LHX4: variants seen among roughly 807,000 people sequenced by gnomAD.
LHX4 encodes the protein LIM homeobox 4.
Under a neutral mutation model 39.2 loss-of-function variants are expected in LHX4, and 16 were observed. The ratio of observed to expected loss-of-function variants is 0.41; its 90% CI spans 0.28 to 0.62. The LOEUF (loss-of-function observed/expected upper bound fraction) is 0.62, where lower values mean the gene tolerates loss of function less well. LHX4 is among the 20% of genes least tolerant of loss of function. LHX4 has a pLI of 0.33. For synonymous variants in LHX4, 206 were observed against 198.1 expected, an observed-to-expected ratio of 1.04 and a Z score of -0.33; for missense variants, 439 against 511.9, an observed-to-expected ratio of 0.86 and a Z score of 1.37.
chr1:180,266,443 G>C lies in LHX4; in HGVS notation c.300G>C (p.Gln100His), dbSNP rs1156273617. The change falls in exon 3 of 6, where the codon CAG becomes CAC. Residue 100 changes from glutamine to histidine, a missense_variant. Gln to His is a conservative substitution (Grantham distance 24). Transcript: ENST00000263726. The surrounding 1 kb of genome is among the most constrained non-coding windows in gnomAD (Gnocchi z 5.7). ...GCCAGCAGGGTATCCCCCCAACCCA[G>C]GTGGTCCGCAAGGCCCAGGACTTTG... is the stretch of plus-strand genomic sequence containing the variant. ...TACQQGIPPTQVVRKAQDFVY... is the reference protein window; with the variant it reads ...TACQQGIPPTHVVRKAQDFVY... 6 of 1,614,222 alleles carry C rather than the reference G, an allele frequency of 3.7e-6. No homozygotes were observed. Among genetic ancestry groups the C allele is most frequent in the Admixed American group, 1.7e-5 (1 of 60,028 alleles).
intron 2 of LHX4, among the ~76,000 whole-genome samples, chr1:180,256,757 C>G (rs942642324): frequency 4.6e-5 from 7 of 152,148 alleles, no homozygotes; most frequent in Non-Finnish European, 1.0e-4. Flanking sequence ...ACCCCCGATG[C>G]GTCTCCCGCT....
At chr1:180,229,136 A>G (rs1164665311), upstream of LHX4, among the ~76,000 whole-genome samples, 5 of 152,186 alleles carry the variant, frequency 3.3e-5, no homozygotes, top group African/African-American at 4.8e-5. Flanking sequence ...CTACCTGTCC[A>G]TGCATCTCGT....
intron 1 of LHX4, among the ~76,000 whole-genome samples, chr1:180,237,599 C>G (rs1200223022): frequency 6.6e-6 from 1 of 152,222 alleles, no homozygotes; most frequent in Non-Finnish European, 1.5e-5. Flanking sequence ...GGAGGTGAGT[C>G]CTACCTCCTG....
At chr1:180,235,975 G>A (rs1297448807) in intron 1 of LHX4, among the ~76,000 whole-genome samples, 1 of 152,186 alleles carries the variant, frequency 6.6e-6, no homozygotes. Flanking sequence ...TAGAAAAGCC[G>A]TGAAGGGATA....
intron 1 of LHX4, among the ~76,000 whole-genome samples, chr1:180,244,297 G>C (rs968022945): frequency 1.3e-5 from 2 of 152,108 alleles, no homozygotes; most frequent in African/African-American, 4.8e-5. Flanking sequence ...CCCTTGGTAG[G>C]CCCCTTCCAT....
At chr1:180,242,586 T>C (rs960907976) in intron 1 of LHX4, among the ~76,000 whole-genome samples, 2 of 152,152 alleles carry the variant, frequency 1.3e-5, no homozygotes, top group African/African-American at 4.8e-5. Flanking sequence ...CATGTGGGCT[T>C]AGGTCTATGC....
intron 2 of LHX4, among the ~76,000 whole-genome samples, chr1:180,260,513 C>G (rs77651116): frequency 0.076 from 11,580 of 151,820 alleles, 542 homozygotes; most frequent in Middle Eastern, 0.16. Context: ...AGGCGGAGCT[C>G]AGGTGCAGAG....
At position 180,232,592 on chromosome 1, in the gene LHX4, C is replaced by T. The variant is rs1664206937; in HGVS notation, c.76+1987C>T. Among the ~76,000 whole-genome samples, 1 of 152,154 alleles carries T rather than the reference C, an allele frequency of 6.6e-6. No individual in the cohort carries two copies. The highest frequency in any genetic ancestry group is 2.4e-5 in the African/African-American group (1 of 41,434). On this transcript the variant is annotated intron_variant, in intron 1 of 5. Coordinates refer to ENST00000263726, the MANE Select transcript of LHX4 (RefSeq NM_033343.4). This position sits in a 1 kb window ranked among gnomAD's most constrained non-coding sequence, Gnocchi z 5.4. ...AGGGGGTGGTCAGTCCTCCCTTTGT[C>T]CGAGTTTCGTGACCTTGGTTGGAGG...
intron 2 of LHX4, among the ~76,000 whole-genome samples, chr1:180,258,893 A>G (rs529560694): frequency 7.9e-5 from 12 of 152,064 alleles, no homozygotes; most frequent in Admixed American, 6.5e-4. Context: ...TCAGATGGGG[A>G]CGGATGCCCA....
intron 1 of LHX4, among the ~76,000 whole-genome samples, chr1:180,243,112 C>T (rs531999662): frequency 2.6e-5 from 4 of 152,134 alleles, no homozygotes; most frequent in Non-Finnish European, 4.4e-5. Flanking sequence ...CCTCAGCCTC[C>T]TGGGTAGCTG....
intron 1 of LHX4, among the ~76,000 whole-genome samples, chr1:180,239,669 T>C (rs545707249): frequency 6.6e-6 from 1 of 152,356 alleles, no homozygotes; most frequent in African/African-American, 2.4e-5. Context: ...GGTTTAGTCC[T>C]AATTCGGCCT....
chr1:180,257,553 CTG>C (rs1325439244), intron 2 of LHX4, among the ~76,000 whole-genome samples: 1 of 152,150 alleles, frequency 6.6e-6, no homozygotes, highest in African/African-American at 2.4e-5. Flanking sequence ...CATGACATGG[CTG>C]TGGCCTTAGA....
Position 180,248,470 on chromosome 1 carries a change from G to A in LHX4, c.248+14G>A, listed in dbSNP as rs1647474122. On this transcript the variant is annotated intron_variant, in intron 2 of 5. Coordinates refer to ENST00000263726, the MANE Select transcript of LHX4 (RefSeq NM_033343.4). ...GGACTTCTTCAAGTAAGTCAGAACG[G>A]TCCGTCTCGTGGCCCTGGCCTGTCT... 1.2e-6 allele frequency: 2 copies of A among 1,613,552 alleles called. No homozygotes were observed. Among genetic ancestry groups the A allele is most frequent in the Admixed American group, 1.7e-5 (1 of 60,018 alleles).
At chr1:180,260,310 A>G (rs1177665806) in intron 2 of LHX4, among the ~76,000 whole-genome samples, 1 of 151,700 alleles carries the variant, frequency 6.6e-6, no homozygotes, top group Non-Finnish European at 1.5e-5. Context: ...GGAACTTACC[A>G]TCAGGAATGT....
rs529731737 is a variant in LHX4 at position 180,259,180 on chromosome 1, G to A, written c.249-7212G>A. 2.6e-5 allele frequency among the ~76,000 whole-genome samples: 4 copies of A among 152,220 alleles called. No homozygotes were observed. In the South Asian group the frequency reaches 8.3e-4, roughly 32 times the overall value. ...CGGAGAGCACAGTGTAGGAGGCAGC[G>A]AGCAGGTGTGTTGGGAGGCTTGGGA... is the stretch of plus-strand genomic sequence containing the variant. On this transcript the variant is annotated intron_variant, in intron 2 of 5. Coordinates refer to ENST00000263726, the MANE Select transcript of LHX4 (RefSeq NM_033343.4).
At chr1:180,269,720 T>C (rs1480860037) in intron 3 of LHX4, 1 of 152,260 alleles carries the variant, frequency 6.6e-6, no homozygotes, top group African/African-American at 2.4e-5. Flanking sequence ...TATTTCCCAT[T>C]TGCATAATTC....
intron 2 of LHX4, among the ~76,000 whole-genome samples, chr1:180,265,356 G>C (rs1648268705): frequency 6.6e-6 from 1 of 152,184 alleles, no homozygotes; most frequent in African/African-American, 2.4e-5. Context: ...CCTGAAGCGG[G>C]GAAGGCTCAC....
intron 1 of LHX4, among the ~76,000 whole-genome samples, chr1:180,233,289 C>A (rs1664223108): frequency 6.6e-6 from 1 of 152,270 alleles, no homozygotes; most frequent in Admixed American, 6.5e-5. Flanking sequence ...GGCTCCCGTG[C>A]GGACTTAGCA....
chr1:180,233,677 C>T (rs1664232221), intron 1 of LHX4, among the ~76,000 whole-genome samples: 1 of 152,148 alleles, frequency 6.6e-6, no homozygotes, highest in South Asian at 2.1e-4. Flanking sequence ...CATGTAGTCT[C>T]CCCAGGCACC....
Sources: allele counts gnomAD v4.1 joint callset (sites outside exome capture counted in the v4.1 genomes callset), GRCh38; gene constraint gnomAD v4.1.1; non-coding constraint Gnocchi (gnomAD v3.1); transcripts MANE v1.5; gene names NCBI Gene and HGNC (gene_info 2026-07-23, HGNC 2026-07-21).